The following ADAMTS17 variants were observed in gnomAD, a reference collection of about 807,000 sequenced individuals.
The protein encoded by ADAMTS17 is ADAM metallopeptidase with thrombospondin type 1 motif 17, also known as A disintegrin and metalloproteinase with thrombospondin motifs 17.
Under a neutral mutation model 141.5 loss-of-function variants are expected in ADAMTS17, and 113 were observed. The observed-to-expected ratio is 0.80, with a 90% CI of 0.69 to 0.93. ADAMTS17 has a LOEUF of 0.93. ADAMTS17 is among the 40% of genes least tolerant of loss of function. ADAMTS17 has a pLI of 0.00. For missense variants in ADAMTS17, 1,659 were observed against 1,517.9 expected (o/e 1.09, Z -1.54); for synonymous variants, 768 against 630.6 (o/e 1.22, Z -3.27).
At chr15:100,205,395 C>T (rs555070135) in intron 7 of ADAMTS17, among the ~76,000 whole-genome samples, 24 of 152,236 alleles carry the variant, frequency 1.6e-4, no homozygotes, top group Admixed American at 3.9e-4. Context: ...GAAAGAGAAA[C>T]GAATAAGTGG....
chr15:100,015,806 C>T (rs1028026421), intron 18 of ADAMTS17, among the ~76,000 whole-genome samples: 7 of 152,196 alleles, frequency 4.6e-5, no homozygotes, highest in Admixed American at 4.6e-4. Flanking sequence ...AGATTCTTTC[C>T]TTCATCTTAA....
intron 4 of ADAMTS17, among the ~76,000 whole-genome samples, chr15:100,277,425 G>T (rs1046957009): frequency 6.6e-6 from 1 of 152,136 alleles, no homozygotes; most frequent in Non-Finnish European, 1.5e-5. Context: ...CCCCTGCCTG[G>T]ATGATAAATT....
chr15:100,081,662 G>C (rs573746473), intron 15 of ADAMTS17, among the ~76,000 whole-genome samples: 1 of 152,246 alleles, frequency 6.6e-6, no homozygotes, highest in African/African-American at 2.4e-5. Context: ...GTTGACCTTG[G>C]TTTAAATACT....
chr15:100,247,393 T>C (rs892233438), intron 7 of ADAMTS17, among the ~76,000 whole-genome samples: 2 of 152,154 alleles, frequency 1.3e-5, no homozygotes, highest in African/African-American at 2.4e-5. Flanking sequence ...AAAGAACACT[T>C]TTGACACCGC....
At chr15:100,298,145 A>G (rs961069192) in intron 3 of ADAMTS17, among the ~76,000 whole-genome samples, 6 of 152,180 alleles carry the variant, frequency 3.9e-5, no homozygotes, top group South Asian at 2.1e-4. Flanking sequence ...CAAACTTTGG[A>G]GAAGTCTGGG....
chr15:100,153,471 G>C (rs2039286599), intron 9 of ADAMTS17, among the ~76,000 whole-genome samples: 1 of 151,948 alleles, frequency 6.6e-6, no homozygotes, highest in Non-Finnish European at 1.5e-5. Context: ...GGAAACTCCT[G>C]TCTCTACTAA....
chr15:100,048,123 T>C (rs188684617), intron 18 of ADAMTS17, among the ~76,000 whole-genome samples: 39 of 152,172 alleles, frequency 2.6e-4, no homozygotes, highest in African/African-American at 9.2e-4. Flanking sequence ...AAAATGGAAA[T>C]ACTAAACACC....
chr15:100,285,134 T>C (rs1464888525), intron 3 of ADAMTS17, among the ~76,000 whole-genome samples: 1 of 152,236 alleles, frequency 6.6e-6, no homozygotes, highest in African/African-American at 2.4e-5. Flanking sequence ...TCTGGCTTCA[T>C]ACTATTTTTC....
intron 15 of ADAMTS17, among the ~76,000 whole-genome samples, chr15:100,088,741 A>G (rs1268074597): frequency 6.6e-6 from 1 of 152,242 alleles, no homozygotes; most frequent in East Asian, 1.9e-4. Context: ...AAATGGGGAA[A>G]GGATTCCCTA....
intron 3 of ADAMTS17, among the ~76,000 whole-genome samples, chr15:100,296,979 G>A (rs1211249206): frequency 6.6e-6 from 1 of 152,202 alleles, no homozygotes; most frequent in African/African-American, 2.4e-5. Flanking sequence ...CATGTGACAG[G>A]TACTATCAAG....
chr15:100,177,910 TC>T (rs1446283001), intron 8 of ADAMTS17, among the ~76,000 whole-genome samples: 1 of 152,166 alleles, frequency 6.6e-6, no homozygotes, highest in African/African-American at 2.4e-5. Flanking sequence ...TTATACAATG[TC>T]CCTCTTTGCC....
intron 17 of ADAMTS17, among the ~76,000 whole-genome samples, chr15:100,050,124 A>G (rs571831880): frequency 6.6e-6 from 1 of 152,290 alleles, no homozygotes; most frequent in East Asian, 1.9e-4. Flanking sequence ...GCTGCCCCAC[A>G]TGGCAGCCTC....
At chr15:100,028,338 G>A (rs952191889) in intron 18 of ADAMTS17, among the ~76,000 whole-genome samples, 4 of 152,062 alleles carry the variant, frequency 2.6e-5, no homozygotes, top group South Asian at 2.1e-4. Flanking sequence ...GGCATTCTTC[G>A]GACCCGGCCA....
At chr15:100,332,435 G>A (rs889158360) in intron 2 of ADAMTS17, among the ~76,000 whole-genome samples, 14 of 152,318 alleles carry the variant, frequency 9.2e-5, no homozygotes, top group South Asian at 2.1e-4. Context: ...GCCCCGCGTG[G>A]GAGGACCCCC....
chr15:100,077,539 G>A (rs1179097905), intron 15 of ADAMTS17, among the ~76,000 whole-genome samples: 2 of 151,512 alleles, frequency 1.3e-5, no homozygotes, highest in Non-Finnish European at 2.9e-5. Flanking sequence ...CTCAATAGGT[G>A]CAGGAAAAGC....
In ADAMTS17 at chr15:100,051,596, C is replaced by A. The variant is rs201676815; in HGVS notation, c.2431G>T (p.Gly811Trp). 26 of 1,613,876 alleles carry A rather than the reference C, an allele frequency of 1.6e-5. No homozygotes were observed. Among genetic ancestry groups the A allele is most frequent in the Middle Eastern group, 1.7e-4 (1 of 5,990 alleles). Reference protein sequence around the residue: ...LFIWTHSGWEGCSVQCGGGER... With the variant: ...LFIWTHSGWEWCSVQCGGGER... ...CCTCCGCCGCACTGCACACTGCACC[C>A]TTCCCAGCCGCTGTGGGTCCAGATG... The change falls in exon 17 of 22, where the codon GGG (glycine) becomes TGG (tryptophan). Residue 811 changes from glycine (G) to tryptophan (W), a missense_variant. Gly to Trp is a radical substitution (Grantham distance 184). Coordinates refer to ENST00000268070, the MANE Select transcript of ADAMTS17 (RefSeq NM_139057.4).
intron 3 of ADAMTS17, among the ~76,000 whole-genome samples, chr15:100,295,140 T>C (rs1331938826): frequency 6.6e-6 from 1 of 152,164 alleles, no homozygotes; most frequent in African/African-American, 2.4e-5. Context: ...TGGGATATAA[T>C]CAAAATATCT....
chr15:100,076,248 G>A (rs2034367696), intron 15 of ADAMTS17, among the ~76,000 whole-genome samples: 1 of 152,052 alleles, frequency 6.6e-6, no homozygotes, highest in African/African-American at 2.4e-5. Flanking sequence ...GCACTATGTT[G>A]GGCAGGCTGG....
In ADAMTS17 at chr15:99,976,108, G is replaced by A. The variant is rs1464557073; in HGVS notation, c.3064C>T (p.Gln1022Ter). 3.2e-6 allele frequency: 5 copies of A among 1,551,506 alleles called. No individual in the cohort carries two copies. Among genetic ancestry groups the A allele is most frequent in the Non-Finnish European group, 4.4e-6 (5 of 1,147,008 alleles). ...PALSKPAPYR[Q>*]CYQEVCNDRI... Reference sequence around the variant, plus strand: ...TCGTTGCAGACCTCCTGGTAGCACTGTCTGTAGGGGGCAGGCTTCGAGAGG... The same window carrying A: ...TCGTTGCAGACCTCCTGGTAGCACTATCTGTAGGGGGCAGGCTTCGAGAGG... Residue 1022 changes from glutamine (Q) to a stop codon, truncating the protein, a stop_gained, in exon 21 of 22, where the codon CAG becomes TAG. Coordinates refer to ENST00000268070, the MANE Select transcript of ADAMTS17 (RefSeq NM_139057.4). LOFTEE classifies it high-confidence loss of function.
Sources: gnomAD v4.1 joint callset for allele counts (sites outside exome capture counted in the v4.1 genomes callset) on GRCh38, gnomAD v4.1.1 for gene constraint, MANE v1.5 for transcripts, NCBI Gene and HGNC (gene_info 2026-07-23, HGNC 2026-07-21) for gene names.